Variants in ULK4 observed in about 807,000 individuals in gnomAD.
The protein encoded by ULK4 is inactive serine/threonine-protein kinase ULK4.
ULK4 carries 133 observed loss-of-function variants against 160.6 expected under a neutral mutation model. That is an observed-to-expected ratio of 0.83 (90% CI 0.72 to 0.96). ULK4 has a LOEUF of 0.96. Ranked by LOEUF, ULK4 falls within the 40% of genes least tolerant of loss-of-function variation. The pLI is 0.00. For synonymous variants in ULK4, 534 were observed against 539.8 expected (o/e 0.99, Z 0.15); for missense variants, 1,580 against 1,499.5 (o/e 1.05, Z -0.89).
chr3:41,752,430 A>T (rs2038661394), intron 22 of ULK4, among the ~76,000 whole-genome samples: 2 of 152,338 alleles, frequency 1.3e-5, no homozygotes, highest in African/African-American at 4.8e-5. Context: ...ACCAAAAAAT[A>T]GCCAAAATAC....
chr3:41,635,021 G>A (rs1011556745), intron 30 of ULK4, among the ~76,000 whole-genome samples: 3 of 152,166 alleles, frequency 2.0e-5, no homozygotes, highest in Non-Finnish European at 4.4e-5. Context: ...GAAGGCGAAA[G>A]AACATCAATG....
At chr3:41,441,457 T>A (rs891122101) in intron 34 of ULK4, among the ~76,000 whole-genome samples, 10 of 152,108 alleles carry the variant, frequency 6.6e-5, no homozygotes, top group Admixed American at 5.9e-4. Flanking sequence ...GTATCTTTTT[T>A]AAATTGGCTT....
At chr3:41,401,120 GA>G (rs34719893) in intron 34 of ULK4, among the ~76,000 whole-genome samples, 25,505 of 151,824 alleles carry the variant, frequency 0.17, 2,825 homozygotes, top group African/African-American at 0.3. Context: ...CTTTTGAAGA[GA>G]AAAAAAAGTT....
rs892566685 is a variant in ULK4 at position 41,879,511 on chromosome 3, T to A, written c.1656+4363A>T. The stretch of plus-strand genomic sequence containing the variant: ...TTTTCCATAATTTAAAAAAAAAAAA[T>A]TTGAGACAGGGTCTTGCTCTGTTGC... On this transcript the variant is annotated intron_variant, in intron 17 of 36. Coordinates refer to ENST00000301831, the MANE Select transcript of ULK4 (RefSeq NM_017886.4). Among the ~76,000 whole-genome samples, 27 of 151,950 alleles carry A rather than the reference T, an allele frequency of 1.8e-4. 1 individual carries two copies. The highest frequency in any genetic ancestry group is 5.9e-5 in the Non-Finnish European group (4 of 67,944).
At chr3:41,504,551 G>C (rs1322476186) in intron 32 of ULK4, among the ~76,000 whole-genome samples, 6 of 152,162 alleles carry the variant, frequency 3.9e-5, no homozygotes, top group East Asian at 1.9e-4. Context: ...GATTAAATGT[G>C]ACAAGCTACA....
At chr3:41,479,649 G>A (rs1233101214) in intron 32 of ULK4, among the ~76,000 whole-genome samples, 1 of 152,112 alleles carries the variant, frequency 6.6e-6, no homozygotes, top group Non-Finnish European at 1.5e-5. Context: ...TTGTGGGAAG[G>A]CTAGAAGCTA....
intron 18 of ULK4, among the ~76,000 whole-genome samples, chr3:41,835,458 CA>C (rs1391900692): frequency 6.6e-6 from 1 of 152,138 alleles, no homozygotes; most frequent in Non-Finnish European, 1.5e-5. Flanking sequence ...TGCCCATAGT[CA>C]GTTAAAAGCT....
intron 35 of ULK4, among the ~76,000 whole-genome samples, chr3:41,385,035 C>G (rs542615284): frequency 5.9e-5 from 9 of 151,806 alleles, no homozygotes; most frequent in Non-Finnish European, 1.3e-4. Context: ...GCCTGAACAA[C>G]AGAGAGACCT....
chr3:41,853,276 G>C (rs9823254), intron 17 of ULK4, among the ~76,000 whole-genome samples: 27,269 of 152,096 alleles, frequency 0.18, 2,522 homozygotes, highest in Middle Eastern at 0.32. Flanking sequence ...AGCACACTTT[G>C]AGAACTGCTA....
chr3:41,475,855 G>A (rs190574610), intron 32 of ULK4, among the ~76,000 whole-genome samples: 155 of 151,896 alleles, frequency 1.0e-3, no homozygotes, highest in Non-Finnish European at 1.4e-3. Flanking sequence ...TTTGCCCAAA[G>A]AAGAAGTTAG....
intron 32 of ULK4, among the ~76,000 whole-genome samples, chr3:41,528,999 C>T (rs1242025102): frequency 6.6e-6 from 1 of 152,048 alleles, no homozygotes; most frequent in Non-Finnish European, 1.5e-5. Context: ...CAAAAAGATT[C>T]CTTGTTGTTG....
intron 35 of ULK4, among the ~76,000 whole-genome samples, chr3:41,365,539 C>T (rs1471825917): frequency 1.3e-5 from 2 of 152,180 alleles, no homozygotes; most frequent in Admixed American, 1.3e-4. Flanking sequence ...ATGCTCCAGG[C>T]ACATGCTAAG....
At chr3:41,765,837 AGTAT>A (rs1156776981) in intron 21 of ULK4, among the ~76,000 whole-genome samples, 1 of 152,242 alleles carries the variant, frequency 6.6e-6, no homozygotes, top group African/African-American at 2.4e-5. Flanking sequence ...TCAATTAAAA[AGTAT>A]GTATGAACAG....
intron 35 of ULK4, among the ~76,000 whole-genome samples, chr3:41,358,926 C>T (rs1294339445): frequency 1.3e-5 from 2 of 151,974 alleles, no homozygotes; most frequent in African/African-American, 4.8e-5. Context: ...TGTGGGGTGA[C>T]GGATTGGGTG....
rs146853272 is a variant in ULK4 at position 41,554,926 on chromosome 3, T to C, written c.3226+11099A>G. Among the ~76,000 whole-genome samples, 1,181 of 152,086 alleles carry C rather than the reference T, an allele frequency of 7.8e-3. 11 individuals are homozygous for C. Among genetic ancestry groups the C allele is most frequent in the Middle Eastern group, 0.034 (10 of 294 alleles). On this transcript the variant is annotated intron_variant, in intron 32 of 36. Transcript: ENST00000301831. ...CATTTCAAAGCAACGCTAGACTCAGTGAGAGAACATACACCAAAACTGAAA... is the reference window on the plus strand; with the variant it reads ...CATTTCAAAGCAACGCTAGACTCAGCGAGAGAACATACACCAAAACTGAAA...
intron 18 of ULK4, 27 bp from the exon 19 acceptor site, chr3:41,819,533 C>G: frequency 6.2e-7 from 1 of 1,600,806 alleles, no homozygotes. Flanking sequence ...AAAAAAAAGG[C>G]AGTGAAGCTA....
intron 32 of ULK4, among the ~76,000 whole-genome samples, chr3:41,489,202 G>A (rs1217040068): frequency 6.6e-6 from 1 of 152,036 alleles, no homozygotes; most frequent in African/African-American, 2.4e-5. Context: ...GACGACATAG[G>A]CATGTTTTCT....
intron 30 of ULK4, among the ~76,000 whole-genome samples, chr3:41,662,648 A>T (rs1012800214): frequency 3.3e-5 from 5 of 152,210 alleles, no homozygotes; most frequent in African/African-American, 1.2e-4. Flanking sequence ...CTAAAGACCA[A>T]CTGGTAGGTC....
At chr3:41,378,771 A>C (rs1045814911) in intron 35 of ULK4, among the ~76,000 whole-genome samples, 1 of 151,994 alleles carries the variant, frequency 6.6e-6, no homozygotes, top group Non-Finnish European at 1.5e-5. Flanking sequence ...CCTAGAACTT[A>C]AAGTATAATA....
Sources: allele counts gnomAD v4.1 joint callset (sites outside exome capture counted in the v4.1 genomes callset), GRCh38; gene constraint gnomAD v4.1.1; transcripts MANE v1.5; gene names NCBI Gene and HGNC (gene_info 2026-07-23, HGNC 2026-07-21).